The following LRP1B variants were observed in gnomAD, a reference collection of about 807,000 sequenced individuals.
LRP1B encodes the protein LDL receptor related protein 1B.
Under a neutral mutation model 556.6 loss-of-function variants are expected in LRP1B, and 217 were observed. That is an observed-to-expected ratio of 0.39 (90% CI 0.35 to 0.44). The LOEUF is 0.44. LRP1B is among the 20% of genes least tolerant of loss of function. The probability of loss-of-function intolerance (pLI) is 1.00; values close to 1 mark genes in which losing one functional copy is unlikely to be tolerated. For synonymous variants in LRP1B, 2,047 were observed against 1,865.8 expected (o/e 1.10, Z -2.50); for missense variants, 5,053 against 5,620.8 (o/e 0.90, Z 3.23).
At chr2:141,742,211 G>T (rs1443824776) in intron 2 of LRP1B, among the ~76,000 whole-genome samples, 1 of 149,886 alleles carries the variant, frequency 6.7e-6, no homozygotes, top group African/African-American at 2.4e-5. Context: ...AGTATAACTT[G>T]AAGTCAGGTA....
At chr2:140,761,765 T>C (rs1373466471) in intron 35 of LRP1B, among the ~76,000 whole-genome samples, 1 of 152,158 alleles carries the variant, frequency 6.6e-6, no homozygotes, top group African/African-American at 2.4e-5. Context: ...TGTGCAACAC[T>C]TTGATTGCAG....
At chr2:141,186,078 C>A (rs1310690726) in intron 7 of LRP1B, among the ~76,000 whole-genome samples, 215 of 77,552 alleles carry the variant, frequency 2.8e-3, no homozygotes, top group South Asian at 5.5e-3. Flanking sequence ...GACTCTGTCT[C>A]AAAAAAAAAA....
intron 2 of LRP1B, among the ~76,000 whole-genome samples, chr2:141,801,271 A>G (rs1032236258): frequency 2.6e-5 from 4 of 152,122 alleles, no homozygotes; most frequent in Non-Finnish European, 5.9e-5. Flanking sequence ...AAGTTTGTTT[A>G]TATATGCATG....
intron 1 of LRP1B, among the ~76,000 whole-genome samples, chr2:141,995,277 C>T (rs1223820219): frequency 6.6e-6 from 1 of 152,046 alleles, no homozygotes; most frequent in Non-Finnish European, 1.5e-5. Context: ...TGTTTCCTTG[C>T]CTTTTCCAAA....
chr2:140,270,411 C>A (rs1682404415), intron 85 of LRP1B, 65 bp from the exon 86 acceptor site: 1 of 1,023,782 alleles, frequency 9.8e-7, no homozygotes, highest in Non-Finnish European at 1.5e-6. Context: ...TGAAAGCTGA[C>A]ATAAACTCTC....
chr2:141,098,527 T>C (rs911183732), intron 7 of LRP1B, among the ~76,000 whole-genome samples: 1 of 152,216 alleles, frequency 6.6e-6, no homozygotes, highest in Non-Finnish European at 1.5e-5. Context: ...GACCTCTCAA[T>C]TGTTTTTCTT....
chr2:141,010,065 C>T (rs1226189261), intron 14 of LRP1B, among the ~76,000 whole-genome samples: 2 of 151,914 alleles, frequency 1.3e-5, no homozygotes, highest in East Asian at 1.9e-4. Flanking sequence ...ATGCTTAGTC[C>T]ACTTCCCTGT....
At chr2:140,378,326 G>T in intron 67 of LRP1B, 40 bp from the exon 68 acceptor site, 1 of 1,082,100 alleles carries the variant, frequency 9.2e-7, no homozygotes, top group Non-Finnish European at 1.4e-6. Flanking sequence ...TCTATTATAT[G>T]TAAGTGCATT....
intron 35 of LRP1B, among the ~76,000 whole-genome samples, chr2:140,738,773 C>T (rs1213826120): frequency 2.0e-5 from 3 of 152,194 alleles, no homozygotes; most frequent in Admixed American, 1.3e-4. Context: ...CCCCAACCAA[C>T]CTCATACATG....
chr2:140,741,163 G>A (rs745724889), intron 35 of LRP1B, among the ~76,000 whole-genome samples: 2 of 152,182 alleles, frequency 1.3e-5, no homozygotes, highest in Non-Finnish European at 2.9e-5. Context: ...AGAAAAGCTA[G>A]CACATATGCA....
At chr2:140,895,386 T>TTCACAGG (rs758285533) in intron 23 of LRP1B, among the ~76,000 whole-genome samples, 4 of 152,142 alleles carry the variant, frequency 2.6e-5, no homozygotes, top group Non-Finnish European at 4.4e-5. Flanking sequence ...CCCTGACCCC[T>TTCACAGG]TCACAGGACT....
chr2:141,792,946 T>C (rs1046324602), intron 2 of LRP1B, among the ~76,000 whole-genome samples: 2 of 152,000 alleles, frequency 1.3e-5, no homozygotes, highest in African/African-American at 4.8e-5. Context: ...CCATTGATAA[T>C]AATAAAAATT....
chr2:142,109,297 T>C (rs1574694751), intron 1 of LRP1B, among the ~76,000 whole-genome samples: 1 of 152,066 alleles, frequency 6.6e-6, no homozygotes, highest in African/African-American at 2.4e-5. Flanking sequence ...TTCCCAAAGA[T>C]TGTTATAGCT....
chr2:142,039,827 G>A (rs1353753216), intron 1 of LRP1B, among the ~76,000 whole-genome samples: 1 of 151,474 alleles, frequency 6.6e-6, no homozygotes, highest in East Asian at 1.9e-4. Context: ...TTGTATTGAA[G>A]TCATTGCTAA....
At chr2:140,843,527 A>G (rs571278144) in intron 29 of LRP1B, among the ~76,000 whole-genome samples, 1 of 152,138 alleles carries the variant, frequency 6.6e-6, no homozygotes, top group African/African-American at 2.4e-5. Context: ...ATTTCTCACT[A>G]TTTTTAACCA....
intron 2 of LRP1B, among the ~76,000 whole-genome samples, chr2:141,595,672 C>A (rs1687491136): frequency 6.6e-6 from 1 of 152,040 alleles, no homozygotes. Flanking sequence ...TCATCAATTT[C>A]TCCAAGCATC....
intron 3 of LRP1B, among the ~76,000 whole-genome samples, chr2:141,440,669 T>C (rs1680930644): frequency 6.6e-6 from 1 of 152,256 alleles, no homozygotes; most frequent in African/African-American, 2.4e-5. Context: ...CTTTTAACAG[T>C]GGAACTAAAT....
chr2:141,277,967 A>T (rs1302246059), intron 3 of LRP1B, among the ~76,000 whole-genome samples: 1 of 152,186 alleles, frequency 6.6e-6, no homozygotes, highest in African/African-American at 2.4e-5. Context: ...GACACGTAAG[A>T]ATAATAATAT....
At chr2:141,116,677 A>C (rs1181282973) in intron 7 of LRP1B, among the ~76,000 whole-genome samples, 1 of 152,140 alleles carries the variant, frequency 6.6e-6, no homozygotes, top group Non-Finnish European at 1.5e-5. Flanking sequence ...TGACGTCTGA[A>C]GTATGTATTT....
Sources: allele counts gnomAD v4.1 joint callset (sites outside exome capture counted in the v4.1 genomes callset), GRCh38; gene constraint gnomAD v4.1.1; transcripts MANE v1.5; gene names NCBI Gene and HGNC (gene_info 2026-07-23, HGNC 2026-07-21).